CALML4: variants seen among roughly 807,000 people sequenced by gnomAD.
CALML4 encodes the protein calmodulin like 4.
CALML4 carries 16 observed loss-of-function variants against 17.9 expected under a neutral mutation model. That is an observed-to-expected ratio of 0.89 (90% confidence interval 0.61 to 1.36). The LOEUF is 1.36. Among genes scored for constraint, CALML4 ranks in the 40% most tolerant of loss-of-function variants. The pLI is 0.00. For missense variants in CALML4, 203 were observed against 194.8 expected, an observed-to-expected ratio of 1.04 and a Z score of -0.25; for synonymous variants, 86 against 71.5, an observed-to-expected ratio of 1.20 and a Z score of -1.02.
At position 68,191,181 on chromosome 15, in the gene CALML4, G is replaced by T. The variant is rs2093118065; in HGVS notation, c.*2834C>A. On this transcript the variant is annotated 3_prime_UTR_variant, in exon 5 of 5. Transcript: ENST00000467889. Reference sequence around the variant, plus strand: ...GTCCCAGAGTGTGCTGCTGTTAATTGTTTAACAAAGGGGAAAATGTACATA... The same window carrying T: ...GTCCCAGAGTGTGCTGCTGTTAATTTTTTAACAAAGGGGAAAATGTACATA... 1 of 152,606 alleles carries T rather than the reference G, an allele frequency of 6.6e-6. No individual in the cohort carries two copies. The highest frequency in any genetic ancestry group is 1.5e-5 in the Non-Finnish European group (1 of 68,022). 9.5% of individuals were successfully genotyped at this position (152,606 alleles called of 1,614,324 possible).
At chr15:68,198,555 T>C (rs1277471490) in intron 3 of CALML4, 1 of 152,232 alleles carries the variant, frequency 6.6e-6, no homozygotes, top group Non-Finnish European at 1.5e-5. Flanking sequence ...CTACTTTTTT[T>C]CTTAGAAAAA....
Position 68,200,866 on chromosome 15 carries a change from C to T in CALML4, c.35-1185G>A, listed in dbSNP as rs1317857189. On this transcript the variant is annotated intron_variant, in intron 2 of 4. Transcript: ENST00000467889. This position sits in a 1 kb window ranked among gnomAD's most constrained non-coding sequence, Gnocchi z 4.3. ...GCTTCATCCCCACAACCCTGTGATGCGCCCCCTCATATTCCCATGTGCGGA... is the reference window on the plus strand; with the variant it reads ...GCTTCATCCCCACAACCCTGTGATGTGCCCCCTCATATTCCCATGTGCGGA... 6.6e-6 allele frequency among the ~76,000 whole-genome samples: 1 copy of T among 152,178 alleles called. No individual in the cohort carries two copies. Among genetic ancestry groups the T allele is most frequent in the African/African-American group, 2.4e-5 (1 of 41,434 alleles).
At chr15:68,203,783 C>G (rs1413735541) in intron 2 of CALML4, among the ~76,000 whole-genome samples, 1 of 152,186 alleles carries the variant, frequency 6.6e-6, no homozygotes, top group Non-Finnish European at 1.5e-5. Context: ...TCTGCTGCCT[C>G]CAAAGCCCCT....
Position 68,200,811 on chromosome 15 carries a change from C to T in CALML4, c.35-1130G>A, listed in dbSNP as rs1277316993. ...TGATGACAGCAACAATGACAATTCA[C>T]GTTGCTGAGCACTCCACCCCCAGGC... is the stretch of plus-strand genomic sequence containing the variant. On this transcript the variant is annotated intron_variant, in intron 2 of 4. Coordinates refer to ENST00000467889, the MANE Select transcript of CALML4 (RefSeq NM_033429.3). This position sits in a 1 kb window ranked among gnomAD's most constrained non-coding sequence, Gnocchi z 4.3. Among the ~76,000 whole-genome samples, 1 of 152,172 alleles carries T rather than the reference C, an allele frequency of 6.6e-6. No homozygotes were observed. Among genetic ancestry groups the T allele is most frequent in the African/African-American group, 2.4e-5 (1 of 41,434 alleles).
intron 2 of CALML4, among the ~76,000 whole-genome samples, chr15:68,203,764 G>A (rs561109466): frequency 1.3e-5 from 2 of 152,302 alleles, no homozygotes; most frequent in Admixed American, 6.5e-5. Context: ...AGGGTGATTA[G>A]GCTTCAGGTC....
intron 4 of CALML4, among the ~76,000 whole-genome samples, chr15:68,196,908 T>G (rs538593747): frequency 1.3e-5 from 2 of 152,208 alleles, no homozygotes; most frequent in Non-Finnish European, 2.9e-5. Context: ...CTGGAAGAGC[T>G]TAGAGCAGCC....
chr15:68,195,832 T>TGAGTC (rs1225019024), intron 4 of CALML4, among the ~76,000 whole-genome samples: 1 of 152,134 alleles, frequency 6.6e-6, no homozygotes, highest in Admixed American at 6.5e-5. Context: ...GAGATGTATG[T>TGAGTC]GAGTCTGGGG....
chr15:68,197,719 C>G lies in CALML4; in HGVS notation c.176-91G>C, dbSNP rs930752716. On this transcript the variant is annotated intron_variant, in intron 3 of 4. Transcript: ENST00000467889. The surrounding 1 kb of genome is among the most constrained non-coding windows in gnomAD (Gnocchi z 4.1). ...TCCTGCTGGACCTGCACAGCCGGTT[C>G]AAGGTCAACTGACCAGGGAATGCCA... 4.3e-6 allele frequency: 5 copies of G among 1,174,558 alleles called. No individual in the cohort carries two copies. The African/African-American group carries it at 4.6e-5, about 11-fold the overall frequency. The allele number at this position is 1,174,558 out of a possible 1,614,324, so 72.8% of individuals were successfully genotyped here. A position where few individuals can be genotyped will look rare whatever the true frequency, so the allele number is the denominator to read the frequency against.
rs1397936637 is a variant in CALML4 at position 68,191,595 on chromosome 15, T to C, written c.*2420A>G. On this transcript the variant is annotated 3_prime_UTR_variant, in exon 5 of 5. Coordinates refer to ENST00000467889, the MANE Select transcript of CALML4 (RefSeq NM_033429.3). ...AAGCATGACAAGTAACTAACTAATT[T>C]TCTTGCAGCATGCTTTGAGGTAAGT... 1.3e-5 allele frequency: 2 copies of C among 152,812 alleles called. No homozygotes were observed. Among genetic ancestry groups the C allele is most frequent in the East Asian group, 3.9e-4 (2 of 5,194 alleles). 9.5% of individuals were successfully genotyped at this position (152,812 alleles called of 1,614,324 possible).
At chr15:68,201,400 C>G (rs761779894) in intron 2 of CALML4, among the ~76,000 whole-genome samples, 1 of 152,214 alleles carries the variant, frequency 6.6e-6, no homozygotes, top group South Asian at 2.1e-4. Context: ...GTCAGGGGGA[C>G]AGAGAGAGGG....
intron 3 of CALML4, among the ~76,000 whole-genome samples, chr15:68,199,110 C>T (rs1239985043): frequency 1.3e-5 from 2 of 149,386 alleles, no homozygotes; most frequent in Non-Finnish European, 3.0e-5. Flanking sequence ...TGCAGTGAGC[C>T]GAGATCTCAC....
chr15:68,197,687 G>GC lies in CALML4; in HGVS notation c.176-60dup. 6.5e-7 allele frequency: 1 copy of GC among 1,530,892 alleles called. No homozygotes were observed. The highest frequency in any genetic ancestry group is 8.9e-7 in the Non-Finnish European group (1 of 1,120,212). The allele number at this position is 1,530,892 out of a possible 1,614,324, so 94.8% of individuals were successfully genotyped here. A position where few individuals can be genotyped will look rare whatever the true frequency, so the allele number is the denominator to read the frequency against. On this transcript the variant is annotated intron_variant, in intron 3 of 4. Transcript: ENST00000467889. The surrounding 1 kb of genome is among the most constrained non-coding windows in gnomAD (Gnocchi z 4.1). ...AGGGAAAAAGACTCCTAGGAAGCCA[G>GC]CTGGCCTCCTGCTGGACCTGCACAG...
Position 68,204,566 on chromosome 15 carries a change from G to A in CALML4, c.34+555C>T, listed in dbSNP as rs755025771. Among the ~76,000 whole-genome samples the A allele has an allele frequency of 7.2e-5, 11 of 152,278 alleles. No homozygotes were observed. Among genetic ancestry groups the A allele is most frequent in the Admixed American group, 3.3e-4 (5 of 15,296 alleles). ...GCCTTCTGGAAATAGAACCCTGCAC[G>A]GTGTGAAACTGAAGCCTGGTCGAGG... On this transcript the variant is annotated intron_variant, in intron 2 of 4. Coordinates refer to ENST00000467889, the MANE Select transcript of CALML4 (RefSeq NM_033429.3). This position sits in a 1 kb window ranked among gnomAD's most constrained non-coding sequence, Gnocchi z 6.0.
At position 68,197,614 on chromosome 15, in the gene CALML4, G is replaced by A. The variant is rs1005932953; in HGVS notation, c.190C>T (p.Leu64=). ...QTHGIDGNGE[L]DFSTFLTIMH... is the part of the protein sequence containing the mutation. ...ATGGTCAGAAAAGTGGAGAAATCCA[G>A]CTCTCCATTTCCGTCTAGGAAACCC... Residue 64 remains leucine (L), a synonymous_variant, in exon 4 of 5, where the codon CTG becomes TTG. Transcript: ENST00000467889. The surrounding 1 kb of genome is among the most constrained non-coding windows in gnomAD (Gnocchi z 4.1). 6.2e-7 allele frequency: 1 copy of A among 1,613,828 alleles called. No individual in the cohort carries two copies. The highest frequency in any genetic ancestry group is 1.7e-5 in the Admixed American group (1 of 59,976).
rs1302077418 is a variant in CALML4 at position 68,191,661 on chromosome 15, GCTAA to G, written c.*2350_*2353del. 4 of 152,564 alleles carry G rather than the reference GCTAA, an allele frequency of 2.6e-5. No homozygotes were observed. The highest frequency in any genetic ancestry group is 6.5e-5 in the Admixed American group (1 of 15,276). 9.5% of individuals were successfully genotyped at this position (152,564 alleles called of 1,614,324 possible). On this transcript the variant is annotated 3_prime_UTR_variant, in exon 5 of 5. Transcript: ENST00000467889. The stretch of plus-strand genomic sequence containing the variant: ...CATTTCCCTTTCTTGTTGAAATATG[GCTAA>G]CTCTTTAATAAATCACAGCATCTGT...
intron 4 of CALML4, among the ~76,000 whole-genome samples, chr15:68,195,707 A>G (rs2093141445): frequency 6.6e-6 from 1 of 152,162 alleles, no homozygotes; most frequent in Non-Finnish European, 1.5e-5. Context: ...CAGAAAAAGG[A>G]TTCCTGCTGC....
chr15:68,202,643 CTTTT>C (rs35347293), intron 2 of CALML4, among the ~76,000 whole-genome samples: 1,666 of 127,772 alleles, frequency 0.013, 50 homozygotes, highest in African/African-American at 0.047. Context: ...GTTTTGCCAA[CTTTT>C]TTTTTTTTTT....
In CALML4 at chr15:68,197,267, T is replaced by C. The variant is rs1008487490; in HGVS notation, c.364+173A>G. Among the ~76,000 whole-genome samples the C allele has an allele frequency of 3.3e-5, 5 of 152,220 alleles. No individual in the cohort carries two copies. Among genetic ancestry groups the C allele is most frequent in the African/African-American group, 9.6e-5 (4 of 41,544 alleles). ...TGCGCCCTTCCAGCCCCTCTAGTTCTTCCCCAGGCTCCAGTCCAGCACCCA... is the reference window on the plus strand; with the variant it reads ...TGCGCCCTTCCAGCCCCTCTAGTTCCTCCCCAGGCTCCAGTCCAGCACCCA... On this transcript the variant is annotated intron_variant, in intron 4 of 4. Transcript: ENST00000467889. The surrounding 1 kb of genome is among the most constrained non-coding windows in gnomAD (Gnocchi z 4.1).
rs2093130253 is a variant in CALML4, at chr15:68,193,606, T to G, written c.*409A>C. On this transcript the variant is annotated 3_prime_UTR_variant, in exon 5 of 5. Transcript: ENST00000467889. ...AATAAGTCTCTTGGTAGATTGCCCTTAAGTCATCAGCTCAATCCTTCCTCA... is the reference window on the plus strand; with the variant it reads ...AATAAGTCTCTTGGTAGATTGCCCTGAAGTCATCAGCTCAATCCTTCCTCA... 5.9e-6 allele frequency: 1 copy of G among 170,406 alleles called. No individual in the cohort carries two copies. Among genetic ancestry groups the G allele is most frequent in the East Asian group, 1.6e-4 (1 of 6,204 alleles). The allele number at this position is 170,406 out of a possible 1,614,324, so 10.6% of individuals were successfully genotyped here. A position where few individuals can be genotyped will look rare whatever the true frequency, so the allele number is the denominator to read the frequency against.
Sources: allele counts gnomAD v4.1 joint callset (sites outside exome capture counted in the v4.1 genomes callset), GRCh38; gene constraint gnomAD v4.1.1; non-coding constraint Gnocchi (gnomAD v3.1); transcripts MANE v1.5; gene names NCBI Gene and HGNC (gene_info 2026-07-23, HGNC 2026-07-21).